The following ANKS1B variants were observed in gnomAD, a reference collection of about 807,000 sequenced individuals.
The protein encoded by ANKS1B is ankyrin repeat and sterile alpha motif domain-containing protein 1B.
ANKS1B carries 36 observed loss-of-function variants against 148.3 expected under a neutral mutation model. The ratio of observed to expected loss-of-function variants is 0.24; its 90% confidence interval spans 0.19 to 0.32. The LOEUF is 0.32. Among genes scored for constraint, ANKS1B ranks in the 10% least tolerant of loss-of-function variants. The probability of loss-of-function intolerance (pLI) is 1.00; values close to 1 mark genes in which losing one functional copy is unlikely to be tolerated. For missense variants in ANKS1B, 1,157 were observed against 1,542.6 expected (o/e 0.75, Z 4.19); for synonymous variants, 542 against 560.8 (o/e 0.97, Z 0.47).
chr12:99,901,168 T>C (rs1394119177), intron 1 of ANKS1B, among the ~76,000 whole-genome samples: 1 of 152,212 alleles, frequency 6.6e-6, no homozygotes, highest in Non-Finnish European at 1.5e-5. Flanking sequence ...GTTTATAGCA[T>C]AGCTAAAGAA....
chr12:99,850,905 T>C (rs563055020), intron 1 of ANKS1B, among the ~76,000 whole-genome samples: 31 of 152,264 alleles, frequency 2.0e-4, no homozygotes, highest in African/African-American at 7.5e-4. Context: ...AAAGAATTCA[T>C]ATCATGAAAA....
chr12:98,922,683 G>C (rs2099803043), intron 17 of ANKS1B, among the ~76,000 whole-genome samples: 2 of 151,974 alleles, frequency 1.3e-5, no homozygotes, highest in African/African-American at 2.4e-5. Context: ...ATTTTTAGTA[G>C]AGATGGGGTT....
intron 8 of ANKS1B, among the ~76,000 whole-genome samples, chr12:99,756,197 T>C (rs191824095): frequency 1.1e-4 from 16 of 152,210 alleles, no homozygotes; most frequent in East Asian, 3.9e-4. Flanking sequence ...GAAAACCACA[T>C]AGTCTTAGCC....
At chr12:99,720,729 A>G (rs1350671513) in intron 8 of ANKS1B, among the ~76,000 whole-genome samples, 10 of 152,136 alleles carry the variant, frequency 6.6e-5, no homozygotes, top group Non-Finnish European at 1.5e-4. Context: ...CATTCCAGAC[A>G]CCAGACCAAC....
In ANKS1B at chr12:99,773,788, T is replaced by C. The variant is rs74922535; in HGVS notation, c.962-700A>G. ...CATCAGCTGACTATAGATGCATGGA[T>C]TTATTTCTGGACTTTATTCTGTTTT... On this transcript the variant is annotated intron_variant, in intron 7 of 26. Transcript: ENST00000683438. Among the ~76,000 whole-genome samples the C allele has an allele frequency of 5.3e-3, 809 of 152,258 alleles. 6 individuals carry two copies. The highest frequency in any genetic ancestry group is 0.018 in the African/African-American group (766 of 41,570).
At position 99,582,533 on chromosome 12, in the gene ANKS1B, T is replaced by C. The variant is rs535846314; in HGVS notation, c.1272+72534A>G. Among the ~76,000 whole-genome samples, 440 of 152,228 alleles carry C rather than the reference T, an allele frequency of 2.9e-3. 2 individuals are homozygous for C. The highest frequency in any genetic ancestry group is 5.1e-3 in the Non-Finnish European group (346 of 67,994). On this transcript the variant is annotated intron_variant, in intron 9 of 26. Transcript: ENST00000683438. ...AGCAATGAAAGGGACAGACAACTAA[T>C]ATGTGGATGAACCTGAAAACATTAT...
intron 9 of ANKS1B, among the ~76,000 whole-genome samples, chr12:99,591,076 T>C (rs78183386): frequency 1.1e-3 from 166 of 152,196 alleles, no homozygotes; most frequent in African/African-American, 3.7e-3. Flanking sequence ...TCCATAGCAC[T>C]GGTATTGTGC....
intron 8 of ANKS1B, among the ~76,000 whole-genome samples, chr12:99,757,189 GA>G (rs1303282637): frequency 6.7e-6 from 1 of 150,096 alleles, no homozygotes; most frequent in Non-Finnish European, 1.5e-5. Context: ...AAAATTTTTG[GA>G]AACTATGCAT....
At chr12:99,041,437 T>A (rs80138202) in intron 17 of ANKS1B, among the ~76,000 whole-genome samples, 1 of 152,202 alleles carries the variant, frequency 6.6e-6, no homozygotes, top group African/African-American at 2.4e-5. Flanking sequence ...GCTTTTTATA[T>A]ATCTAGCAAT....
intron 14 of ANKS1B, among the ~76,000 whole-genome samples, chr12:99,225,017 A>G (rs952047183): frequency 6.6e-6 from 1 of 152,176 alleles, no homozygotes; most frequent in African/African-American, 2.4e-5. Flanking sequence ...GAAAAACAAC[A>G]TTGATGTTTC....
chr12:99,437,183 C>T (rs1292181211), intron 11 of ANKS1B, among the ~76,000 whole-genome samples: 1 of 151,930 alleles, frequency 6.6e-6, no homozygotes, highest in Non-Finnish European at 1.5e-5. Context: ...TGCAGATTGC[C>T]GAGTTCTTGC....
chr12:98,809,404 G>A lies in ANKS1B; in HGVS notation c.3067-1486C>T, dbSNP rs187554032. ...AAGTGGCATCCTCACCCAGTCCTGA[G>A]CTAATTCTTTACACAAATCACATCT... On this transcript the variant is annotated intron_variant, in intron 19 of 26. Coordinates refer to ENST00000683438, the MANE Select transcript of ANKS1B (RefSeq NM_001352186.2). Among the ~76,000 whole-genome samples the A allele has an allele frequency of 2.0e-5, 3 of 152,322 alleles. No individual in the cohort carries two copies. The East Asian group carries it at 5.8e-4, about 29-fold the overall frequency.
At chr12:98,902,005 A>G (rs953071691) in intron 17 of ANKS1B, among the ~76,000 whole-genome samples, 2 of 152,238 alleles carry the variant, frequency 1.3e-5, no homozygotes, top group African/African-American at 2.4e-5. Flanking sequence ...ATTTAAAACA[A>G]TAGACTGCCT....
intron 17 of ANKS1B, among the ~76,000 whole-genome samples, chr12:98,868,808 T>A (rs2099638542): frequency 6.6e-6 from 1 of 152,244 alleles, no homozygotes; most frequent in African/African-American, 2.4e-5. Context: ...AGCTCTTTCC[T>A]CTGTTCCTAA....
chr12:99,168,863 T>C (rs1439340281), intron 14 of ANKS1B, among the ~76,000 whole-genome samples: 2 of 152,192 alleles, frequency 1.3e-5, no homozygotes, highest in Non-Finnish European at 2.9e-5. Flanking sequence ...GAGATTGAGA[T>C]AAATGTGTTA....
chr12:99,402,403 T>A (rs952267514), intron 11 of ANKS1B, among the ~76,000 whole-genome samples: 1 of 145,736 alleles, frequency 6.9e-6, no homozygotes, highest in Non-Finnish European at 1.5e-5. Context: ...GTTTAACAGA[T>A]TATTTTATCG....
chr12:98,853,853 CTGT>C (rs1338773165), intron 17 of ANKS1B, among the ~76,000 whole-genome samples: 1 of 152,178 alleles, frequency 6.6e-6, no homozygotes, highest in Non-Finnish European at 1.5e-5. Flanking sequence ...CAGGGTCTAA[CTGT>C]TGTTTTAATG....
chr12:99,041,829 C>T (rs146965167), intron 17 of ANKS1B, among the ~76,000 whole-genome samples: 170 of 152,064 alleles, frequency 1.1e-3, no homozygotes, highest in African/African-American at 3.8e-3. Context: ...AAGGAAACAC[C>T]GTCTCTACAA....
intron 1 of ANKS1B, among the ~76,000 whole-genome samples, chr12:99,956,297 G>A (rs1190404255): frequency 8.8e-5 from 13 of 147,760 alleles, no homozygotes; most frequent in Admixed American, 6.1e-4. Flanking sequence ...AAAAAAAAGC[G>A]CATGGATAAA....
Sources: gnomAD v4.1 joint callset for allele counts (sites outside exome capture counted in the v4.1 genomes callset) on GRCh38, gnomAD v4.1.1 for gene constraint, MANE v1.5 for transcripts, NCBI Gene and HGNC (gene_info 2026-07-23, HGNC 2026-07-21) for gene names.